Variants in TGS1 observed in about 807,000 individuals in gnomAD.
TGS1 encodes trimethylguanosine synthase.
In TGS1, 69 loss-of-function variants were observed where a neutral mutation model predicts 92.2. The ratio of observed to expected loss-of-function variants is 0.75; its 90% CI spans 0.62 to 0.91. The LOEUF (loss-of-function observed/expected upper bound fraction) is 0.91, where lower values mean the gene tolerates loss of function less well. Ranked by LOEUF, TGS1 falls within the 40% of genes least tolerant of loss-of-function variation. The pLI, the probability that TGS1 is intolerant of heterozygous loss-of-function variation, is 0.00. For missense variants in TGS1, 1,062 were observed against 1,001.2 expected, an observed-to-expected ratio of 1.06 and a Z score of -0.82; for synonymous variants, 345 against 338.1, an observed-to-expected ratio of 1.02 and a Z score of -0.22.
chr8:55,800,350 G>A (rs1812186246), intron 8 of TGS1, among the ~76,000 whole-genome samples: 1 of 152,198 alleles, frequency 6.6e-6, no homozygotes, highest in Non-Finnish European at 1.5e-5. Flanking sequence ...AAGGTAGCCA[G>A]GGAAGTAGGT....
Position 55,809,957 on chromosome 8 carries a change from AC to A in TGS1, c.2144-923del, listed in dbSNP as rs550749014. Among the ~76,000 whole-genome samples the A allele has an allele frequency of 7.4e-3, 1,130 of 152,366 alleles. 10 individuals are homozygous for A. The highest frequency in any genetic ancestry group is 0.031 in the South Asian group (150 of 4,826). On this transcript the variant is annotated intron_variant, in intron 10 of 12. Transcript: ENST00000260129. ...GCAACTGAAAAGAATTTTTTCTCTT[AC>A]AAATGTGAATGTTTATTTAGAACAG... is the stretch of plus-strand genomic sequence containing the variant.
chr8:55,801,582 C>CTTTTTTTTTT (rs1212417955), intron 8 of TGS1, among the ~76,000 whole-genome samples: 3 of 48,200 alleles, frequency 6.2e-5, no homozygotes, highest in Non-Finnish European at 1.0e-4. Context: ...CCCCATCGTT[C>CTTTTTTTTTT]TTTTTTTTTT....
chr8:55,805,577 T>C (rs1039852080), intron 10 of TGS1, among the ~76,000 whole-genome samples: 16 of 152,120 alleles, frequency 1.1e-4, no homozygotes, highest in Admixed American at 8.5e-4. Flanking sequence ...GAGACCAACC[T>C]GGTCTCTAGA....
At chr8:55,777,886 T>A (rs1236993137) in intron 1 of TGS1, among the ~76,000 whole-genome samples, 3 of 138,618 alleles carry the variant, frequency 2.2e-5, no homozygotes, top group Non-Finnish European at 4.6e-5. Flanking sequence ...TTTTAACAAA[T>A]GTCAGAATAA....
chr8:55,822,696 CA>C (rs988922643), intron 12 of TGS1, among the ~76,000 whole-genome samples: 30 of 147,642 alleles, frequency 2.0e-4, no homozygotes, highest in Admixed American at 2.0e-4. Context: ...GTATTCCTTA[CA>C]AAAAAAAATA....
At chr8:55,807,675 G>A (rs1395664810) in intron 10 of TGS1, among the ~76,000 whole-genome samples, 1 of 151,912 alleles carries the variant, frequency 6.6e-6, no homozygotes, top group Non-Finnish European at 1.5e-5. Context: ...CTACAGGCAC[G>A]TGCCAGTATG....
intron 1 of TGS1, among the ~76,000 whole-genome samples, chr8:55,777,630 C>T (rs1176305454): frequency 6.6e-6 from 1 of 151,896 alleles, no homozygotes; most frequent in Non-Finnish European, 1.5e-5. Flanking sequence ...ACCTCTGCCT[C>T]CCAGATTCAA....
chr8:55,823,923 G>A (rs1307479660), intron 12 of TGS1, among the ~76,000 whole-genome samples: 2 of 148,536 alleles, frequency 1.3e-5, no homozygotes, highest in African/African-American at 5.0e-5. Flanking sequence ...GACCAGCCTG[G>A]CCAACTTGGT....
intron 11 of TGS1, among the ~76,000 whole-genome samples, chr8:55,811,525 G>T (rs1336855956): frequency 6.6e-6 from 1 of 151,652 alleles, no homozygotes; most frequent in African/African-American, 2.4e-5. Flanking sequence ...ACTTTGGGAG[G>T]CCGAGGCAGG....
At chr8:55,822,696 C>G (rs1330258477) in intron 12 of TGS1, among the ~76,000 whole-genome samples, 1 of 147,564 alleles carries the variant, frequency 6.8e-6, no homozygotes, top group Admixed American at 6.7e-5. Context: ...GTATTCCTTA[C>G]AAAAAAAAAT....
Position 55,785,729 on chromosome 8 carries a change from G to A in TGS1, c.177G>A (p.Ala59=), listed in dbSNP as rs147468755. The A allele has an allele frequency of 6.7e-4, 1,081 of 1,605,732 alleles. 2 individuals carry two copies. The highest frequency in any genetic ancestry group is 6.5e-3 in the African/African-American group (481 of 74,522). Residue 59 remains alanine, a synonymous_variant, in exon 3 of 13, where the codon GCG becomes GCA. Coordinates refer to ENST00000260129, the MANE Select transcript of TGS1 (RefSeq NM_024831.8). Reference sequence around the variant, plus strand: ...AAATGGTGTCTATAGGAGACCAGGCGACAGAAGAAGAGGAAGGTGGTTATT... The same window carrying A: ...AAATGGTGTCTATAGGAGACCAGGCAACAGAAGAAGAGGAAGGTGGTTATT... ...RDSGNNSGDQ[A]TEEEEGGYSC... is the part of the protein sequence containing the mutation.
At chr8:55,799,365 T>C (rs1812155220) in intron 8 of TGS1, 145 bp downstream of exon 8, 1 of 787,544 alleles carries the variant, frequency 1.3e-6, no homozygotes, top group African/African-American at 1.7e-5. Context: ...GCATATTAAG[T>C]GTACATGTTC....
chr8:55,820,318 G>A (rs898622102), intron 12 of TGS1, among the ~76,000 whole-genome samples: 17 of 152,060 alleles, frequency 1.1e-4, no homozygotes, highest in African/African-American at 3.6e-4. Context: ...AGGCCGAGGC[G>A]GGCGGATCAC....
Position 55,786,710 on chromosome 8 carries a change from A to G in TGS1, c.812A>G (p.Asp271Gly). 6.2e-7 allele frequency: 1 copy of G among 1,614,198 alleles called. No individual in the cohort carries two copies. Among genetic ancestry groups the G allele is most frequent in the Non-Finnish European group, 8.5e-7 (1 of 1,180,034 alleles). ...GATGCCTCGCAAAGCTGTGATACAG[A>G]TACTTACACATCTAAAACAGAAGCT... ...TFDASQSCDT[D>G]TYTSKTEADD... Residue 271 changes from aspartate (D) to glycine (G), a missense_variant, in exon 4 of 13, where the codon GAT (aspartate) becomes GGT (glycine). Physicochemically the swap from Asp to Gly is moderately conservative, Grantham distance 94. Transcript: ENST00000260129.
chr8:55,774,873 G>A (rs561071534), intron 1 of TGS1, among the ~76,000 whole-genome samples: 15 of 152,304 alleles, frequency 9.8e-5, no homozygotes, highest in Admixed American at 9.8e-4. Context: ...ATTGGGGTGA[G>A]TTTCAGTGGG....
Position 55,807,074 on chromosome 8 carries a change from G to A in TGS1, c.2143+2038G>A, listed in dbSNP as rs183698982. On this transcript the variant is annotated intron_variant, in intron 10 of 12. Transcript: ENST00000260129. ...CTCCCACGTAGCTGGGACTACAGGC[G>A]CCCACCACCACACCCAGCTAATTTT... is the stretch of plus-strand genomic sequence containing the variant. Among the ~76,000 whole-genome samples, 26 of 151,480 alleles carry A rather than the reference G, an allele frequency of 1.7e-4. No homozygotes were observed. The East Asian group carries it at 2.3e-3, about 14-fold the overall frequency.
Position 55,802,233 on chromosome 8 carries a change from G to A in TGS1, c.1850-224G>A, listed in dbSNP as rs73603142. Among the ~76,000 whole-genome samples, 872 of 152,234 alleles carry A rather than the reference G, an allele frequency of 5.7e-3. 10 individuals carry two copies. Among genetic ancestry groups the A allele is most frequent in the African/African-American group, 0.02 (818 of 41,554 alleles). On this transcript the variant is annotated intron_variant, in intron 8 of 12. Coordinates refer to ENST00000260129, the MANE Select transcript of TGS1 (RefSeq NM_024831.8). ...AATGAATGAATGAATGGAGCTTAAA[G>A]ACCCTCGGTTACTTTCCCAAGCTTA...
intron 10 of TGS1, among the ~76,000 whole-genome samples, chr8:55,805,611 C>T (rs544383732): frequency 2.0e-5 from 3 of 152,156 alleles, no homozygotes; most frequent in East Asian, 3.9e-4. Context: ...ATTGGCCAGG[C>T]GTAGTGGCTT....
intron 8 of TGS1, among the ~76,000 whole-genome samples, chr8:55,801,378 C>T (rs930144521): frequency 5.3e-5 from 8 of 151,354 alleles, no homozygotes; most frequent in Non-Finnish European, 1.0e-4. Context: ...TCAAGCGATT[C>T]TTCTGCCTGA....
Sources: allele counts gnomAD v4.1 joint callset (sites outside exome capture counted in the v4.1 genomes callset), GRCh38; gene constraint gnomAD v4.1.1; transcripts MANE v1.5; gene names NCBI Gene and HGNC (gene_info 2026-07-23, HGNC 2026-07-21).